The following DZANK1 variants were observed in gnomAD, a reference collection of about 807,000 sequenced individuals.
DZANK1 encodes double zinc ribbon and ankyrin repeat-containing protein 1.
DZANK1 carries 91 observed loss-of-function variants against 94.5 expected under a neutral mutation model. The ratio of observed to expected loss-of-function variants is 0.96; its 90% confidence interval spans 0.81 to 1.15. The LOEUF is 1.15. Ranked by LOEUF, DZANK1 falls within the 50% of genes most tolerant of loss-of-function variation. The pLI is 0.00. For synonymous variants in DZANK1, 312 were observed against 325.3 expected, an observed-to-expected ratio of 0.96 and a Z score of 0.44; for missense variants, 903 against 916.4, an observed-to-expected ratio of 0.99 and a Z score of 0.19.
chr20:18,456,742 C>T (rs1267763088), intron 3 of DZANK1, among the ~76,000 whole-genome samples: 1 of 151,960 alleles, frequency 6.6e-6, no homozygotes, highest in Non-Finnish European at 1.5e-5. Context: ...TGTTGTAACT[C>T]GTTCATTGTT....
At chr20:18,432,660 T>G (rs1482514224) in intron 9 of DZANK1, 1 of 152,234 alleles carries the variant, frequency 6.6e-6, no homozygotes, top group Non-Finnish European at 1.5e-5. Flanking sequence ...AAGGCCATTT[T>G]AGGAGTGTTA....
intron 5 of DZANK1, chr20:18,452,714 G>A: frequency 6.3e-7 from 1 of 1,594,382 alleles, no homozygotes; most frequent in African/African-American, 1.3e-5. Flanking sequence ...AAGTTTTAGG[G>A]TCAGTTCTTT....
At chr20:18,406,402 C>A (rs1048072460) in intron 13 of DZANK1, among the ~76,000 whole-genome samples, 1 of 152,196 alleles carries the variant, frequency 6.6e-6, no homozygotes, top group Non-Finnish European at 1.5e-5. Context: ...TAAGGCCCCC[C>A]TTCTAGGCCC....
intron 19 of DZANK1, among the ~76,000 whole-genome samples, chr20:18,387,954 C>A (rs945369769): frequency 6.6e-5 from 10 of 152,266 alleles, no homozygotes; most frequent in African/African-American, 2.4e-4. Flanking sequence ...ATGACTTATG[C>A]CTAAAAGCAA....
rs576373311 is a variant in DZANK1 at position 18,450,311 on chromosome 20, G to A, written c.544-1242C>T. ...CACATTTGTAACCCCAATACTTTGG[G>A]AGGCTGAGGCAGGAGGATTGCTTGA... On this transcript the variant is annotated intron_variant, in intron 6 of 20. Coordinates refer to ENST00000262547, the Ensembl canonical transcript of DZANK1. 2.6e-5 allele frequency among the ~76,000 whole-genome samples: 4 copies of A among 152,222 alleles called. No homozygotes were observed. The East Asian group carries it at 7.7e-4, about 29-fold the overall frequency.
intron 9 of DZANK1, 111 bp downstream of exon 9, chr20:18,433,541 C>T: frequency 2.6e-6 from 2 of 770,458 alleles, no homozygotes; most frequent in South Asian, 3.4e-5. Flanking sequence ...GATTCTGTCT[C>T]AAAAAAAAAA....
At chr20:18,390,037 C>T (rs987092875) in intron 18 of DZANK1, among the ~76,000 whole-genome samples, 1 of 152,078 alleles carries the variant, frequency 6.6e-6, no homozygotes, top group Non-Finnish European at 1.5e-5. Context: ...ACTTCTGTTC[C>T]CCACATGGGC....
At chr20:18,394,652 C>A in intron 15 of DZANK1, 1 of 580,354 alleles carries the variant, frequency 1.7e-6, no homozygotes. Context: ...GCCAGCCTCC[C>A]TGCATGTGGC....
chr20:18,394,608 T>G, intron 15 of DZANK1: 2 of 649,540 alleles, frequency 3.1e-6, no homozygotes, highest in Non-Finnish European at 5.8e-6. Flanking sequence ...CGTCTCACAT[T>G]GGGACCATCA....
intron 8 of DZANK1, among the ~76,000 whole-genome samples, chr20:18,442,699 T>A (rs1468577329): frequency 1.3e-5 from 2 of 152,220 alleles, no homozygotes; most frequent in East Asian, 3.8e-4. Context: ...TCTTAAAAAT[T>A]GTAATTTTTC....
chr20:18,404,231 C>G (rs530059507), intron 13 of DZANK1, among the ~76,000 whole-genome samples: 20 of 152,124 alleles, frequency 1.3e-4, no homozygotes, highest in Non-Finnish European at 2.2e-4. Flanking sequence ...ATTGGATACC[C>G]CTGCTGTAAA....
intron 7 of DZANK1, among the ~76,000 whole-genome samples, chr20:18,443,808 C>T (rs1198645932): frequency 1.3e-5 from 2 of 152,054 alleles, no homozygotes; most frequent in Non-Finnish European, 2.9e-5. Flanking sequence ...GAGGGTGAGC[C>T]CTGGGAATTC....
chr20:18,386,321 G>C (rs2048493183), intron 19 of DZANK1, among the ~76,000 whole-genome samples: 1 of 152,250 alleles, frequency 6.6e-6, no homozygotes, highest in South Asian at 2.1e-4. Flanking sequence ...AGAGTTACCA[G>C]TCATGTAGCC....
At chr20:18,412,217 T>C (rs547820055) in intron 13 of DZANK1, among the ~76,000 whole-genome samples, 9 of 152,258 alleles carry the variant, frequency 5.9e-5, no homozygotes, top group African/African-American at 1.7e-4. Context: ...AGCCTTGGCC[T>C]CCCAAAGTGC....
chr20:18,445,059 G>A (rs1332257412), intron 7 of DZANK1, among the ~76,000 whole-genome samples: 10 of 151,668 alleles, frequency 6.6e-5, no homozygotes, highest in Non-Finnish European at 1.2e-4. Context: ...CGCCCACCTC[G>A]GCCTCCCAAA....
chr20:18,458,925 TC>T (rs1211897559), intron 3 of DZANK1, among the ~76,000 whole-genome samples: 1 of 152,226 alleles, frequency 6.6e-6, no homozygotes, highest in Non-Finnish European at 1.5e-5. Flanking sequence ...ATAAATATTT[TC>T]CCTAAGCTGA....
At chr20:18,405,455 A>C in intron 13 of DZANK1, among the ~76,000 whole-genome samples, 1 of 152,230 alleles carries the variant, frequency 6.6e-6, no homozygotes, top group Non-Finnish European at 1.5e-5. Flanking sequence ...AGAGCCTAAG[A>C]GACCCATTGG....
intron 3 of DZANK1, 119 bp downstream of exon 3, chr20:18,460,029 TTAAAA>T: frequency 1.4e-6 from 1 of 722,644 alleles, no homozygotes; most frequent in Non-Finnish European, 2.1e-6. Context: ...TATGCTGAAA[TTAAAA>T]TAATGTTTCA....
intron 15 of DZANK1, among the ~76,000 whole-genome samples, chr20:18,395,821 T>C (rs1175269475): frequency 1.3e-5 from 2 of 152,328 alleles, no homozygotes; most frequent in Non-Finnish European, 1.5e-5. Context: ...GTTAGTGCTT[T>C]ATTTGGTTTC....
Sources: gnomAD v4.1 joint callset for allele counts (sites outside exome capture counted in the v4.1 genomes callset) on GRCh38, gnomAD v4.1.1 for gene constraint, MANE v1.5 for transcripts, NCBI Gene and HGNC (gene_info 2026-07-23, HGNC 2026-07-21) for gene names.